The following TUSC3 variants were observed in gnomAD, a reference collection of about 807,000 sequenced individuals.
TUSC3 encodes dolichyl-diphosphooligosaccharide--protein glycosyltransferase subunit TUSC3.
In TUSC3, 45 loss-of-function variants were observed where a neutral mutation model predicts 44.8. The ratio of observed to expected loss-of-function variants is 1.00; its 90% CI spans 0.79 to 1.29. The LOEUF is 1.29. Among genes scored for constraint, TUSC3 ranks in the 50% most tolerant of loss-of-function variants. The pLI is 0.00. For missense variants in TUSC3, 519 were observed against 437.9 expected (o/e 1.19, Z -1.65); for synonymous variants, 212 against 152.9 (o/e 1.39, Z -2.85).
intron 7 of TUSC3, among the ~76,000 whole-genome samples, chr8:15,736,070 A>G (rs951953457): frequency 4.6e-5 from 7 of 152,062 alleles, no homozygotes; most frequent in African/African-American, 1.4e-4. Context: ...ACAGAAGACA[A>G]TATCCTCTAG....
At chr8:15,801,477 T>C in the TUSC3 span, among the ~76,000 whole-genome samples, 2 of 152,070 alleles carry the variant, frequency 1.3e-5, no homozygotes, top group African/African-American at 4.8e-5. Flanking sequence ...ATTGCTATTT[T>C]TGTTAAAACT....
At chr8:15,746,261 T>A (rs1811410900) in intron 8 of TUSC3, among the ~76,000 whole-genome samples, 1 of 152,120 alleles carries the variant, frequency 6.6e-6, no homozygotes, top group Non-Finnish European at 1.5e-5. Context: ...TTTCAACTCC[T>A]CTCTTGGTAG....
At chr8:15,813,353 A>C in the TUSC3 span, among the ~76,000 whole-genome samples, 1 of 149,594 alleles carries the variant, frequency 6.7e-6, no homozygotes, top group Non-Finnish European at 1.5e-5. Flanking sequence ...CATTAAGAGT[A>C]TTGGTGATGT....
rs1199044173 is a variant in TUSC3 at position 15,765,460 on chromosome 8, C to A, written c.*1304C>A. On this transcript the variant is annotated 3_prime_UTR_variant, in exon 11 of 11. Transcript: ENST00000503731. ...GGAGTTCCAGCTATATAGCCTCAAA[C>A]AAGAAACGGGTGTACAACCATTGAG... The A allele has an allele frequency of 6.6e-6, 1 of 151,922 alleles. No individual in the cohort carries two copies. The highest frequency in any genetic ancestry group is 2.4e-5 in the African/African-American group (1 of 41,404). The allele number at this position is 151,922 out of a possible 1,614,324, so 9.4% of individuals were successfully genotyped here.
chr8:15,532,871 C>T (rs1049633028), intron 2 of TUSC3, among the ~76,000 whole-genome samples: 4 of 152,186 alleles, frequency 2.6e-5, no homozygotes, highest in Non-Finnish European at 4.4e-5. Context: ...CCGCTCACTG[C>T]AACCTCCACC....
the TUSC3 span, among the ~76,000 whole-genome samples, chr8:15,779,143 A>G: frequency 6.8e-6 from 1 of 147,692 alleles, no homozygotes; most frequent in African/African-American, 2.5e-5. Flanking sequence ...GTAAAAGAGT[A>G]AGTATATTCC....
rs1221626154 is a variant in TUSC3, at chr8:15,553,217, A to G, written c.138+12649A>G. Among the ~76,000 whole-genome samples the G allele has an allele frequency of 5.9e-5, 9 of 151,890 alleles. No homozygotes were observed. The East Asian group carries it at 1.8e-3, about 30-fold the overall frequency. On this transcript the variant is annotated intron_variant, in intron 1 of 10. Transcript: ENST00000503731. ...TGAAGCTTCGATCTGGGCTGATGAT[A>G]AAATAGACTTGAAAATCATTCGCCT...
At chr8:15,805,576 A>G in the TUSC3 span, among the ~76,000 whole-genome samples, 1 of 152,118 alleles carries the variant, frequency 6.6e-6, no homozygotes, top group Non-Finnish European at 1.5e-5. Context: ...TTCTATGCCT[A>G]TTGAGATGAT....
intron 1 of TUSC3, among the ~76,000 whole-genome samples, chr8:15,465,239 A>T (rs1007588292): frequency 2.6e-5 from 4 of 152,170 alleles, no homozygotes; most frequent in Non-Finnish European, 5.9e-5. Context: ...CTCTAAAAGC[A>T]AAAATGCCCA....
the TUSC3 span, among the ~76,000 whole-genome samples, chr8:15,827,266 T>A: frequency 6.6e-6 from 1 of 152,198 alleles, no homozygotes; most frequent in East Asian, 1.9e-4. Context: ...TTCTAACTCA[T>A]GTAAGACTGA....
intron 1 of TUSC3, among the ~76,000 whole-genome samples, chr8:15,613,946 C>T (rs1804873742): frequency 6.6e-6 from 1 of 151,702 alleles, no homozygotes; most frequent in African/African-American, 2.4e-5. Context: ...TAGAGATTCA[C>T]TCATTTTCCC....
At chr8:15,499,086 A>C (rs536127844) in intron 2 of TUSC3, among the ~76,000 whole-genome samples, 6 of 151,478 alleles carry the variant, frequency 4.0e-5, no homozygotes, top group South Asian at 2.1e-4. Flanking sequence ...TTGCCATCAG[A>C]CTCCATCACC....
the TUSC3 span, among the ~76,000 whole-genome samples, chr8:15,800,405 T>C: frequency 6.6e-6 from 1 of 151,990 alleles, no homozygotes; most frequent in East Asian, 1.9e-4. Flanking sequence ...AAAACCCGTA[T>C]CTACAAAAAA....
chr8:15,746,997 A>G (rs1001904798), intron 8 of TUSC3, among the ~76,000 whole-genome samples: 1 of 152,058 alleles, frequency 6.6e-6, no homozygotes, highest in African/African-American at 2.4e-5. Context: ...GTTCAGCTGC[A>G]TGAGTGTTGT....
rs1248632419 is a variant in TUSC3 at position 15,557,462 on chromosome 8, G to C, written c.138+16894G>C. On this transcript the variant is annotated intron_variant, in intron 1 of 10. Transcript: ENST00000503731. ...TGATGCCTCCAGCTTTGTTCTTTTGGCTTAGGATTGACTTGGCGATGCGGG... is the reference window on the plus strand; with the variant it reads ...TGATGCCTCCAGCTTTGTTCTTTTGCCTTAGGATTGACTTGGCGATGCGGG... Among the ~76,000 whole-genome samples, 100 of 43,012 alleles carry C rather than the reference G, an allele frequency of 2.3e-3. 1 individual carries two copies. The highest frequency in any genetic ancestry group is 7.0e-3 in the East Asian group (9 of 1,292). The allele number at this position is 43,012 out of a possible 152,430, so 28.2% of individuals were successfully genotyped here. A position where few individuals can be genotyped will look rare whatever the true frequency, so the allele number is the denominator to read the frequency against.
At chr8:15,456,190 A>G (rs999482384) in intron 1 of TUSC3, among the ~76,000 whole-genome samples, 2 of 152,092 alleles carry the variant, frequency 1.3e-5, no homozygotes, top group Non-Finnish European at 2.9e-5. Context: ...CTTCAATGAG[A>G]TTGATTTGAG....
intron 3 of TUSC3, among the ~76,000 whole-genome samples, chr8:15,656,868 G>A (rs1807195306): frequency 6.6e-6 from 1 of 152,318 alleles, no homozygotes; most frequent in African/African-American, 2.4e-5. Context: ...TTCTGGGCAC[G>A]TGCAGAGCTA....
At chr8:15,657,513 A>T (rs1314673347) in intron 3 of TUSC3, among the ~76,000 whole-genome samples, 1 of 152,200 alleles carries the variant, frequency 6.6e-6, no homozygotes, top group East Asian at 1.9e-4. Context: ...TTTCCGTCTG[A>T]GACCTCATCA....
At chr8:15,527,084 A>G (rs1801382553) in intron 2 of TUSC3, among the ~76,000 whole-genome samples, 1 of 152,250 alleles carries the variant, frequency 6.6e-6, no homozygotes, top group Non-Finnish European at 1.5e-5. Context: ...GCCAGGTAAC[A>G]AAATGTTTAC....
Sources: allele counts gnomAD v4.1 joint callset (sites outside exome capture counted in the v4.1 genomes callset), GRCh38; gene constraint gnomAD v4.1.1; transcripts MANE v1.5; gene names NCBI Gene and HGNC (gene_info 2026-07-23, HGNC 2026-07-21).